Variants in TMEM117 observed in about 807,000 individuals in gnomAD.
TMEM117 encodes transmembrane protein 117.
TMEM117 carries 27 observed loss-of-function variants against 52.4 expected under a neutral mutation model. The observed-to-expected ratio is 0.51, with a 90% CI of 0.38 to 0.71. TMEM117 has a LOEUF of 0.71. Ranked by LOEUF, TMEM117 falls within the 30% of genes least tolerant of loss-of-function variation. TMEM117 has a pLI of 0.00. For missense variants in TMEM117, 556 were observed against 630.5 expected (o/e 0.88, Z 1.26); for synonymous variants, 215 against 206.3 (o/e 1.04, Z -0.36).
intron 2 of TMEM117, among the ~76,000 whole-genome samples, chr12:43,872,790 A>G (rs558566905): frequency 6.6e-6 from 1 of 152,336 alleles, no homozygotes; most frequent in African/African-American, 2.4e-5. Context: ...ATAAAATTCA[A>G]CCAGTCTTTG....
chr12:43,812,807 C>T, the TMEM117 span, among the ~76,000 whole-genome samples: 2 of 150,914 alleles, frequency 1.3e-5, no homozygotes, highest in African/African-American at 2.4e-5. Context: ...GAGTTCGAGA[C>T]CAGCCTGGGC....
intron 4 of TMEM117, among the ~76,000 whole-genome samples, chr12:44,208,245 G>A (rs1592606967): frequency 1.3e-5 from 2 of 151,954 alleles, no homozygotes; most frequent in African/African-American, 4.8e-5. Flanking sequence ...ATATTCTATT[G>A]AAAAAGATTA....
chr12:44,010,114 T>A, intron 3 of TMEM117: 1 of 494,512 alleles, frequency 2.0e-6, no homozygotes, highest in South Asian at 1.5e-5. Flanking sequence ...GGTTCAAGTA[T>A]GCATCTGCCT....
At chr12:43,862,243 A>G (rs1943503085) in intron 2 of TMEM117, among the ~76,000 whole-genome samples, 1 of 152,128 alleles carries the variant, frequency 6.6e-6, no homozygotes, top group South Asian at 2.1e-4. Context: ...CTCTCGGCTC[A>G]CTGCAAGCTC....
intron 3 of TMEM117, among the ~76,000 whole-genome samples, chr12:43,957,056 GA>G (rs1244629655): frequency 1.3e-5 from 2 of 152,156 alleles, no homozygotes; most frequent in Non-Finnish European, 2.9e-5. Context: ...TGCAGGAACA[GA>G]AAACCAAACA....
At chr12:44,014,588 A>G (rs986301395) in intron 3 of TMEM117, among the ~76,000 whole-genome samples, 4 of 152,180 alleles carry the variant, frequency 2.6e-5, no homozygotes, top group Admixed American at 2.6e-4. Context: ...TTTGTTAAGT[A>G]TAAGTAGATC....
chr12:44,276,066 T>C (rs1950507880), intron 5 of TMEM117, among the ~76,000 whole-genome samples: 1 of 152,160 alleles, frequency 6.6e-6, no homozygotes, highest in Non-Finnish European at 1.5e-5. Flanking sequence ...CCCATAAATA[T>C]ATACACCTAC....
chr12:43,997,845 G>T (rs11182368), intron 3 of TMEM117, among the ~76,000 whole-genome samples: 1 of 152,134 alleles, frequency 6.6e-6, no homozygotes, highest in Non-Finnish European at 1.5e-5. Flanking sequence ...CTGAGCCTCA[G>T]AGAGCTTTTC....
At chr12:44,209,145 T>C (rs970998051) in intron 4 of TMEM117, among the ~76,000 whole-genome samples, 4 of 152,198 alleles carry the variant, frequency 2.6e-5, no homozygotes, top group Non-Finnish European at 5.9e-5. Context: ...GAAATTGTTG[T>C]ATTTGGAAAA....
chr12:44,048,725 C>T (rs565702689), intron 3 of TMEM117, among the ~76,000 whole-genome samples: 15 of 152,198 alleles, frequency 9.9e-5, no homozygotes, highest in South Asian at 4.2e-4. Context: ...AGAGTAATAC[C>T]GTTGGCCAAG....
At chr12:44,204,312 C>T (rs894333078) in intron 4 of TMEM117, among the ~76,000 whole-genome samples, 20 of 152,022 alleles carry the variant, frequency 1.3e-4, no homozygotes, top group Non-Finnish European at 2.8e-4. Flanking sequence ...CAATCTCATT[C>T]ACAATAGCCT....
intron 3 of TMEM117, among the ~76,000 whole-genome samples, chr12:44,129,755 T>G (rs1948385382): frequency 6.6e-6 from 1 of 152,194 alleles, no homozygotes; most frequent in Non-Finnish European, 1.5e-5. Context: ...GCTTAGTCAG[T>G]TAGAATGCAG....
rs538215711 is a variant in TMEM117 at position 44,240,632 on chromosome 12, T to A, written c.608+29245T>A. Among the ~76,000 whole-genome samples the A allele has an allele frequency of 8.4e-4, 128 of 152,224 alleles. 2 individuals are homozygous for A. The highest frequency in any genetic ancestry group is 8.4e-3 in the Admixed American group (128 of 15,248). On this transcript the variant is annotated intron_variant, in intron 5 of 7. Coordinates refer to ENST00000266534, the MANE Select transcript of TMEM117 (RefSeq NM_032256.3). ...TGTATTTATAGACATATGTTTATGT[T>A]AATGCTTTTTTATTTCTTGTATATA...
chr12:43,903,939 T>C (rs1278548767), intron 2 of TMEM117, among the ~76,000 whole-genome samples: 1 of 152,158 alleles, frequency 6.6e-6, no homozygotes, highest in East Asian at 1.9e-4. Context: ...TAACTTTTTC[T>C]TCCACAAAAA....
At chr12:44,308,987 A>G (rs1178852274) in intron 6 of TMEM117, among the ~76,000 whole-genome samples, 1 of 152,174 alleles carries the variant, frequency 6.6e-6, no homozygotes, top group Non-Finnish European at 1.5e-5. Flanking sequence ...TGAGCTTTTT[A>G]AGTTACAATG....
chr12:44,216,005 C>CTTTTTTTTTTTTTTTTT (rs778425747), intron 5 of TMEM117, among the ~76,000 whole-genome samples: 10 of 110,832 alleles, frequency 9.0e-5, no homozygotes, highest in African/African-American at 1.2e-4. Flanking sequence ...TTCTTTCTTT[C>CTTTTTTTTTTTTTTTTT]TTTTTTTTTT....
At chr12:44,339,726 A>C (rs184911843) in intron 6 of TMEM117, among the ~76,000 whole-genome samples, 1 of 152,108 alleles carries the variant, frequency 6.6e-6, no homozygotes, top group Admixed American at 6.6e-5. Flanking sequence ...AAAGCCCTTA[A>C]AAATTTCTGC....
intron 7 of TMEM117, among the ~76,000 whole-genome samples, chr12:44,387,188 T>C (rs1453664908): frequency 6.6e-6 from 1 of 151,786 alleles, no homozygotes; most frequent in African/African-American, 2.4e-5. Context: ...TTTTGTCCAT[T>C]TGTAGAAATC....
chr12:44,090,845 T>G (rs1369511836), intron 3 of TMEM117, among the ~76,000 whole-genome samples: 1 of 119,426 alleles, frequency 8.4e-6, no homozygotes, highest in East Asian at 1.9e-4. Context: ...ATGTGTTTTT[T>G]TTTGTTTTTT....
Sources: gnomAD v4.1 joint callset for allele counts (sites outside exome capture counted in the v4.1 genomes callset) on GRCh38, gnomAD v4.1.1 for gene constraint, MANE v1.5 for transcripts, NCBI Gene and HGNC (gene_info 2026-07-23, HGNC 2026-07-21) for gene names.